GRID2: variants seen among roughly 807,000 people sequenced by gnomAD.
GRID2 encodes glutamate receptor ionotropic, delta-2.
GRID2 carries 33 observed loss-of-function variants against 114.8 expected under a neutral mutation model. That is an observed-to-expected ratio of 0.29 (90% CI 0.22 to 0.38). GRID2 has a LOEUF of 0.38. Among genes scored for constraint, GRID2 ranks in the 10% least tolerant of loss-of-function variants. The pLI, the probability that GRID2 is intolerant of heterozygous loss-of-function variation, is 1.00. For missense variants in GRID2, 1,184 were observed against 1,257.7 expected, an observed-to-expected ratio of 0.94 and a Z score of 0.89; for synonymous variants, 505 against 449.9, an observed-to-expected ratio of 1.12 and a Z score of -1.55.
chr4:92,960,708 ATATATT>A (rs1274905128), intron 2 of GRID2, among the ~76,000 whole-genome samples: 1 of 151,882 alleles, frequency 6.6e-6, no homozygotes, highest in Non-Finnish European at 1.5e-5. Context: ...CTTTTAATTG[ATATATT>A]TATACCATGA....
At chr4:93,100,336 C>G (rs1731591506) in intron 3 of GRID2, among the ~76,000 whole-genome samples, 1 of 151,736 alleles carries the variant, frequency 6.6e-6, no homozygotes, top group South Asian at 2.1e-4. Flanking sequence ...TCTAGTATAG[C>G]ATATAATTAT....
intron 13 of GRID2, among the ~76,000 whole-genome samples, chr4:93,524,823 GTATATATATA>G (rs1300787035): frequency 3.3e-5 from 2 of 59,918 alleles, no homozygotes; most frequent in Non-Finnish European, 5.9e-5. Context: ...ATGTATGTAT[GTATATATATA>G]TATATATATA....
chr4:92,554,030 T>TA lies in GRID2; in HGVS notation c.89-36100dup, dbSNP rs568457839. Among the ~76,000 whole-genome samples, 3 of 152,240 alleles carry TA rather than the reference T, an allele frequency of 2.0e-5. No homozygotes were observed. In the East Asian group the frequency reaches 5.8e-4, roughly 29 times the overall value. ...TTTGGCCAAATATATTTCAGCAACA[T>TA]ATTCAACAACATTATGTTAAACATG... is the stretch of plus-strand genomic sequence containing the variant. On this transcript the variant is annotated intron_variant, in intron 1 of 15. Coordinates refer to ENST00000282020, the MANE Select transcript of GRID2 (RefSeq NM_001510.4).
intron 2 of GRID2, among the ~76,000 whole-genome samples, chr4:92,623,318 C>T (rs964862005): frequency 6.6e-6 from 1 of 151,048 alleles, no homozygotes; most frequent in Non-Finnish European, 1.5e-5. Flanking sequence ...ATATATATGA[C>T]CTGCTTATCC....
At chr4:93,469,184 A>T (rs1724565578) in intron 11 of GRID2, among the ~76,000 whole-genome samples, 2 of 152,128 alleles carry the variant, frequency 1.3e-5, no homozygotes, top group Admixed American at 6.6e-5. Flanking sequence ...GAAGGTACAG[A>T]GAGAAAGCAA....
At chr4:93,127,844 T>C (rs1734416134) in intron 4 of GRID2, among the ~76,000 whole-genome samples, 1 of 151,470 alleles carries the variant, frequency 6.6e-6, no homozygotes, top group African/African-American at 2.4e-5. Flanking sequence ...AGGGAGACCC[T>C]ATCTCTACAA....
intron 2 of GRID2, among the ~76,000 whole-genome samples, chr4:92,943,338 A>G (rs1751329583): frequency 6.6e-6 from 1 of 151,932 alleles, no homozygotes. Context: ...TTCATCTTCC[A>G]TCACTGATAC....
At chr4:92,453,659 T>C (rs1200264936) in intron 1 of GRID2, among the ~76,000 whole-genome samples, 1 of 152,174 alleles carries the variant, frequency 6.6e-6, no homozygotes, top group Non-Finnish European at 1.5e-5. Flanking sequence ...AGATGCGTAA[T>C]ATTACCTAGG....
intron 1 of GRID2, among the ~76,000 whole-genome samples, chr4:92,566,058 G>A (rs138998734): frequency 8.7e-4 from 132 of 151,884 alleles, no homozygotes; most frequent in Non-Finnish European, 1.6e-3. Flanking sequence ...TGTGTTCTTC[G>A]CTGACCGTTT....
intron 2 of GRID2, among the ~76,000 whole-genome samples, chr4:92,687,142 C>G (rs1733944670): frequency 6.6e-6 from 1 of 151,646 alleles, no homozygotes; most frequent in African/African-American, 2.4e-5. Context: ...AAAATTGAAC[C>G]AAACATTCAT....
chr4:92,672,152 A>C (rs1733105371), intron 2 of GRID2, among the ~76,000 whole-genome samples: 1 of 152,182 alleles, frequency 6.6e-6, no homozygotes, highest in Non-Finnish European at 1.5e-5. Context: ...AGAATCGTAT[A>C]GTATATTTCC....
chr4:93,218,509 T>A (rs1744497294), intron 6 of GRID2, among the ~76,000 whole-genome samples: 1 of 151,990 alleles, frequency 6.6e-6, no homozygotes, highest in Non-Finnish European at 1.5e-5. Context: ...AGTCCCTATT[T>A]CAAAATAAAT....
chr4:93,241,582 G>A (rs1188632720), intron 8 of GRID2, among the ~76,000 whole-genome samples: 2 of 151,558 alleles, frequency 1.3e-5, no homozygotes, highest in South Asian at 2.1e-4. Flanking sequence ...CTTGCATAAG[G>A]GTTTTATATT....
At chr4:92,436,798 T>A (rs1251579133) in intron 1 of GRID2, among the ~76,000 whole-genome samples, 1 of 152,158 alleles carries the variant, frequency 6.6e-6, no homozygotes, top group East Asian at 1.9e-4. Flanking sequence ...AAATGCCTGA[T>A]ACTTTCATAA....
At position 93,526,169 on chromosome 4, in the gene GRID2, G is replaced by A. The variant is rs118140358; in HGVS notation, c.2193+10758G>A. On this transcript the variant is annotated intron_variant, in intron 13 of 15. Coordinates refer to ENST00000282020, the MANE Select transcript of GRID2 (RefSeq NM_001510.4). The stretch of plus-strand genomic sequence containing the variant: ...CTGGATCATGGGCGTAGTTTCTCCC[G>A]TGCTGTTCTCACAATAGTGAGTGAG... Among the ~76,000 whole-genome samples the A allele has an allele frequency of 5.3e-5, 8 of 152,224 alleles. No individual in the cohort carries two copies. In the East Asian group the frequency reaches 9.7e-4, roughly 18 times the overall value.
chr4:93,463,813 C>T (rs1204547322), intron 11 of GRID2, among the ~76,000 whole-genome samples: 1 of 151,888 alleles, frequency 6.6e-6, no homozygotes, highest in Non-Finnish European at 1.5e-5. Context: ...CATGGTGAAA[C>T]CCTGTCTCTA....
rs1748805114 is a variant in GRID2, at chr4:93,250,732, A to ATATATATAATGTTATATATATATT, written c.1245+12251_1245+12274dup. Among the ~76,000 whole-genome samples, 7 of 147,302 alleles carry ATATATATAATGTTATATATATATT rather than the reference A, an allele frequency of 4.8e-5. No individual in the cohort carries two copies. In the Admixed American group the frequency reaches 4.8e-4, roughly 10 times the overall value. On this transcript the variant is annotated intron_variant, in intron 8 of 15. Transcript: ENST00000282020. ...TATATATGTTTACATGTATATGTGC[A>ATATATATAATGTTATATATATATT]TATATATAATGTTATATATATATTT...
At chr4:93,019,402 T>G (rs773898966) in intron 2 of GRID2, among the ~76,000 whole-genome samples, 1 of 152,094 alleles carries the variant, frequency 6.6e-6, no homozygotes, top group Non-Finnish European at 1.5e-5. Context: ...GGGCCTGAAG[T>G]TTTTCAAGTT....
chr4:92,706,409 A>C (rs1734960213), intron 2 of GRID2, among the ~76,000 whole-genome samples: 1 of 152,180 alleles, frequency 6.6e-6, no homozygotes, highest in African/African-American at 2.4e-5. Context: ...GTGTATGGAG[A>C]GGTATCATCA....
Sources: gnomAD v4.1 joint callset for allele counts (sites outside exome capture counted in the v4.1 genomes callset) on GRCh38, gnomAD v4.1.1 for gene constraint, MANE v1.5 for transcripts, NCBI Gene and HGNC (gene_info 2026-07-23, HGNC 2026-07-21) for gene names.